ZNF609: variants seen among roughly 807,000 people sequenced by gnomAD.
ZNF609 encodes zinc finger protein 609.
Under a neutral mutation model 109.5 loss-of-function variants are expected in ZNF609, and 11 were observed. The observed-to-expected ratio is 0.10, with a 90% CI of 0.06 to 0.17. The LOEUF (loss-of-function observed/expected upper bound fraction) is 0.17, where lower values mean the gene tolerates loss of function less well. Among genes scored for constraint, ZNF609 ranks in the 10% least tolerant of loss-of-function variants. The probability of loss-of-function intolerance (pLI) is 1.00; values close to 1 mark genes in which losing one functional copy is unlikely to be tolerated. For missense variants in ZNF609, 1,559 were observed against 1,772.4 expected (o/e 0.88, Z 2.16); for synonymous variants, 646 against 662.0 (o/e 0.98, Z 0.37).
chr15:64,473,863 C>T (rs930774412), intron 1 of ZNF609, among the ~76,000 whole-genome samples: 5 of 152,122 alleles, frequency 3.3e-5, no homozygotes, highest in Admixed American at 1.3e-4. Context: ...CAACCTCTGC[C>T]GCCCAGGTTC....
chr15:64,460,089 G>A (rs1892915062), upstream of ZNF609, among the ~76,000 whole-genome samples: 1 of 152,078 alleles, frequency 6.6e-6, no homozygotes, highest in African/African-American at 2.4e-5. Flanking sequence ...TAGGAGGTTG[G>A]TACTTTGCTG....
chr15:64,565,356 T>C (rs8041667), intron 2 of ZNF609, among the ~76,000 whole-genome samples: 1,532 of 151,830 alleles, frequency 0.01, 27 homozygotes, highest in African/African-American at 0.036. Context: ...GCTGGGATTA[T>C]AGGCATGAGC....
intron 3 of ZNF609, among the ~76,000 whole-genome samples, chr15:64,644,908 T>C (rs1896307586): frequency 6.6e-6 from 1 of 152,236 alleles, no homozygotes; most frequent in South Asian, 2.1e-4. Flanking sequence ...ATTCAAAGCA[T>C]AATTTCAGAG....
Position 64,622,945 on chromosome 15 carries a change from T to A in ZNF609, c.866T>A (p.Val289Asp), listed in dbSNP as rs760553528. 1 of 1,614,226 alleles carries A rather than the reference T, an allele frequency of 6.2e-7. No individual in the cohort carries two copies. ...QIMVRTRSVG[V>D]NTCDVALATE... ...ATGGTTCGTACCCGATCAGTTGGGG[T>A]CAACACATGTGATGTGGCTCTGGCC... Residue 289 changes from valine to aspartate, a missense_variant, in exon 3 of 10, where the codon GTC becomes GAC. Physicochemically the swap from Val to Asp is radical, Grantham distance 152. Around this residue, in one of 4 missense-constraint regions of ZNF609, gnomAD observed 291 missense variants for 317.8 expected, o/e 0.92. Coordinates refer to ENST00000326648, the MANE Select transcript of ZNF609 (RefSeq NM_015042.2).
chr15:64,616,613 A>C (rs1272946760), intron 2 of ZNF609, among the ~76,000 whole-genome samples: 1 of 131,216 alleles, frequency 7.6e-6, no homozygotes, highest in Non-Finnish European at 1.5e-5. Flanking sequence ...TCCACCTCCC[A>C]GGTTCACGCC....
At chr15:64,599,167 G>GGT (rs1895451744) in intron 2 of ZNF609, among the ~76,000 whole-genome samples, 2 of 85,686 alleles carry the variant, frequency 2.3e-5, no homozygotes, top group African/African-American at 1.0e-4. Flanking sequence ...ATTTTGTGGT[G>GGT]GTTTTTTTTT....
chr15:64,679,654 CAT>C (rs2141019520), intron 6 of ZNF609, among the ~76,000 whole-genome samples: 1 of 152,336 alleles, frequency 6.6e-6, no homozygotes, highest in Admixed American at 6.5e-5. Context: ...ATATAAAAAT[CAT>C]AGTTGCATTT....
Position 64,509,814 on chromosome 15 carries a change from A to G in ZNF609, c.747+9648A>G, listed in dbSNP as rs377398199. Among the ~76,000 whole-genome samples, 3 of 152,228 alleles carry G rather than the reference A, an allele frequency of 2.0e-5. No homozygotes were observed. The East Asian group carries it at 5.8e-4, about 29-fold the overall frequency. ...AAATGAAGATAACATGATTGTTTTCATACAGGAAGTTTCTTTCCTCTCTCT... is the reference window on the plus strand; with the variant it reads ...AAATGAAGATAACATGATTGTTTTCGTACAGGAAGTTTCTTTCCTCTCTCT... On this transcript the variant is annotated intron_variant, in intron 2 of 9. Transcript: ENST00000326648.
intron 2 of ZNF609, among the ~76,000 whole-genome samples, chr15:64,611,807 C>T (rs1016414508): frequency 1.3e-5 from 2 of 151,126 alleles, no homozygotes; most frequent in Non-Finnish European, 2.9e-5. Flanking sequence ...AATCTTGGCT[C>T]ACTGCAACCT....
intron 2 of ZNF609, among the ~76,000 whole-genome samples, chr15:64,541,684 C>CA (rs1464086457): frequency 6.6e-6 from 1 of 150,854 alleles, no homozygotes; most frequent in Non-Finnish European, 1.5e-5. Flanking sequence ...ACTAAAAATA[C>CA]AAACAATTAG....
intron 2 of ZNF609, among the ~76,000 whole-genome samples, chr15:64,612,171 G>A (rs775491806): frequency 2.0e-5 from 3 of 148,016 alleles, no homozygotes; most frequent in Admixed American, 6.8e-5. Flanking sequence ...TTTTTGAGAC[G>A]GAATTCCCCT....
chr15:64,647,301 G>T (rs1434224823), intron 3 of ZNF609, among the ~76,000 whole-genome samples: 1 of 152,076 alleles, frequency 6.6e-6, no homozygotes, highest in Non-Finnish European at 1.5e-5. Flanking sequence ...GGGCCGTGGG[G>T]AGCATAGGGA....
chr15:64,660,457 AC>A (rs1896557646), intron 3 of ZNF609, among the ~76,000 whole-genome samples: 1 of 128,964 alleles, frequency 7.8e-6, no homozygotes, highest in African/African-American at 3.6e-5. Flanking sequence ...TTTTATTGAA[AC>A]ACAACTATGC....
chr15:64,489,541 T>A (rs1183242204), intron 1 of ZNF609, among the ~76,000 whole-genome samples: 1 of 150,510 alleles, frequency 6.6e-6, no homozygotes, highest in Non-Finnish European at 1.5e-5. Flanking sequence ...TTTTTTTTTT[T>A]TTTTTTTAGA....
intron 2 of ZNF609, among the ~76,000 whole-genome samples, chr15:64,552,935 C>T (rs562982215): frequency 1.3e-5 from 2 of 152,284 alleles, no homozygotes; most frequent in African/African-American, 4.8e-5. Flanking sequence ...GGGCATAAGG[C>T]ATTGCACTCA....
intron 3 of ZNF609, among the ~76,000 whole-genome samples, chr15:64,634,657 T>G (rs1380824024): frequency 6.6e-6 from 1 of 152,184 alleles, no homozygotes; most frequent in East Asian, 1.9e-4. Flanking sequence ...CAGGCAGTAC[T>G]CACCTAGAGG....
intron 2 of ZNF609, among the ~76,000 whole-genome samples, chr15:64,615,080 G>A (rs1474480168): frequency 6.6e-6 from 1 of 152,072 alleles, no homozygotes; most frequent in African/African-American, 2.4e-5. Context: ...GCCTCCCAAA[G>A]TGCTGGGATT....
chr15:64,474,402 G>A (rs374394068), intron 1 of ZNF609, among the ~76,000 whole-genome samples: 3 of 151,174 alleles, frequency 2.0e-5, no homozygotes, highest in East Asian at 1.9e-4. Flanking sequence ...TAGTAGCGAC[G>A]GGGTTTCTCC....
intron 3 of ZNF609, among the ~76,000 whole-genome samples, chr15:64,634,413 T>C (rs1281048561): frequency 6.6e-6 from 1 of 152,182 alleles, no homozygotes; most frequent in Non-Finnish European, 1.5e-5. Context: ...GCTGTGGGCT[T>C]TTATCCTTTT....
Sources: gnomAD v4.1 joint callset for allele counts (sites outside exome capture counted in the v4.1 genomes callset) on GRCh38, gnomAD v4.1.1 for gene constraint, gnomAD v4.1.1 regional missense constraint, MANE v1.5 for transcripts, NCBI Gene and HGNC (gene_info 2026-07-23, HGNC 2026-07-21) for gene names.